NACC1: variants seen among roughly 807,000 people sequenced by gnomAD.
NACC1 encodes nucleus accumbens associated 1, also known as nucleus accumbens-associated protein 1.
NACC1 carries 6 observed loss-of-function variants against 41.7 expected under a neutral mutation model. That is an observed-to-expected ratio of 0.14 (90% CI 0.08 to 0.28). NACC1 has a LOEUF of 0.28. Ranked by LOEUF, NACC1 falls within the 10% of genes least tolerant of loss-of-function variation. The probability of loss-of-function intolerance (pLI) is 1.00; values close to 1 mark genes in which losing one functional copy is unlikely to be tolerated. For synonymous variants in NACC1, 338 were observed against 330.6 expected (o/e 1.02, Z -0.24); for missense variants, 434 against 763.7 (o/e 0.57, Z 5.09).
chr19:13,128,573 C>T (rs2145617373), intron 1 of NACC1, among the ~76,000 whole-genome samples: 1 of 152,346 alleles, frequency 6.6e-6, no homozygotes, highest in East Asian at 1.9e-4. Context: ...GGTGAAAACC[C>T]TTTCTGGAAG....
rs1269345126 is a variant in NACC1, at chr19:13,138,011, T to C, written c.1325-136T>C. ...CCGGTGTAGGGTTGGGTGCACGTAG[T>C]GTGGTGTCCTGGCCGCGTGGCCTCA... On this transcript the variant is annotated intron_variant, in intron 5 of 5. Transcript: ENST00000292431. This position sits in a 1 kb window ranked among gnomAD's most constrained non-coding sequence, Gnocchi z 5.7. 2.4e-6 allele frequency: 3 copies of C among 1,260,584 alleles called. No individual in the cohort carries two copies. Among genetic ancestry groups the C allele is most frequent in the Non-Finnish European group, 3.3e-6 (3 of 901,624 alleles). The allele number at this position is 1,260,584 out of a possible 1,614,324, so 78.1% of individuals were successfully genotyped here. A position where few individuals can be genotyped will look rare whatever the true frequency, so the allele number is the denominator to read the frequency against.
rs1208604957 is a variant in NACC1 at position 13,140,530 on chromosome 19, A to AGCCCCTGTGGC, written c.*2125_*2135dup. ...CCTTTTCCTCGGGTGTCCCTCCTCG[A>AGCCCCTGTGGC]GCCCCTGTGGCATTGGCTTGGGTGG... On this transcript the variant is annotated 3_prime_UTR_variant, in exon 6 of 6. Transcript: ENST00000292431. The surrounding 1 kb of genome is among the most constrained non-coding windows in gnomAD (Gnocchi z 4.0). 6.1e-5 allele frequency: 9 copies of AGCCCCTGTGGC among 147,968 alleles called. No individual in the cohort carries two copies. In the East Asian group the frequency reaches 1.8e-3, roughly 30 times the overall value. The allele number at this position is 147,968 out of a possible 1,614,324, so 9.2% of individuals were successfully genotyped here. A position where few individuals can be genotyped will look rare whatever the true frequency, so the allele number is the denominator to read the frequency against.
At chr19:13,122,528 G>GT (rs1419443791) in intron 1 of NACC1, among the ~76,000 whole-genome samples, 5 of 150,756 alleles carry the variant, frequency 3.3e-5, no homozygotes, top group South Asian at 2.1e-4. Flanking sequence ...CCTGCCGGGG[G>GT]GGGGGGGGTG....
chr19:13,122,535 G>GC (rs1491179929), intron 1 of NACC1, among the ~76,000 whole-genome samples: 4 of 145,210 alleles, frequency 2.8e-5, no homozygotes, highest in Non-Finnish European at 6.0e-5. Context: ...GGGGGGGGGG[G>GC]GTGTGCTGCT....
At chr19:13,118,087 G>C (rs1486256442), upstream of NACC1, 2 of 152,138 alleles carry the variant, frequency 1.3e-5, no homozygotes, top group Non-Finnish European at 2.9e-5. Flanking sequence ...CTGAGCCGAC[G>C]TACTGGCGAG....
At chr19:13,122,519 C>A (rs1365937194) in intron 1 of NACC1, among the ~76,000 whole-genome samples, 2 of 84,792 alleles carry the variant, frequency 2.4e-5, no homozygotes, top group African/African-American at 1.0e-4. Flanking sequence ...TTGGTTGCCC[C>A]TGCCGGGGGG....
intron 1 of NACC1, among the ~76,000 whole-genome samples, chr19:13,124,579 C>T (rs1375840057): frequency 6.6e-6 from 1 of 152,158 alleles, no homozygotes; most frequent in Non-Finnish European, 1.5e-5. Flanking sequence ...CCTGGACTGC[C>T]TTCACATTCA....
intron 1 of NACC1, among the ~76,000 whole-genome samples, chr19:13,120,993 A>G (rs1329984329): frequency 3.3e-5 from 5 of 152,246 alleles, no homozygotes; most frequent in Admixed American, 6.5e-5. Context: ...ATCCCGGAGT[A>G]ACAGATCCAG....
At position 13,138,503 on chromosome 19, in the gene NACC1, C is replaced by CCCA; in HGVS notation, c.*99_*100insACC. 6.6e-7 allele frequency: 1 copy of CCCA among 1,513,954 alleles called. No individual in the cohort carries two copies. Among genetic ancestry groups the CCCA allele is most frequent in the Non-Finnish European group, 8.9e-7 (1 of 1,128,006 alleles). The allele number at this position is 1,513,954 out of a possible 1,614,324, so 93.8% of individuals were successfully genotyped here. On this transcript the variant is annotated 3_prime_UTR_variant, in exon 6 of 6. Transcript: ENST00000292431. This position sits in a 1 kb window ranked among gnomAD's most constrained non-coding sequence, Gnocchi z 5.7. The stretch of plus-strand genomic sequence containing the variant: ...AGCTACTGTCTGTCCCTCCCCAGGA[C>CCCA]CCGCGGTGGGTGCTGCATGTTCCCG...
intron 1 of NACC1, among the ~76,000 whole-genome samples, chr19:13,129,875 G>C (rs988185534): frequency 5.3e-5 from 8 of 151,682 alleles, no homozygotes; most frequent in Admixed American, 2.6e-4. Context: ...CAAATGGGGG[G>C]GTTCAAGACC....
intron 1 of NACC1, among the ~76,000 whole-genome samples, chr19:13,125,692 T>G (rs2019553272): frequency 6.6e-6 from 1 of 152,136 alleles, no homozygotes; most frequent in Non-Finnish European, 1.5e-5. Context: ...AGTGCTGGGA[T>G]TACAGGCGTG....
rs370062189 is a variant in NACC1 at position 13,138,286 on chromosome 19, C to A, written c.1464C>A (p.Ala488=). Residue 488 remains alanine (A), a synonymous_variant, in exon 6 of 6, where the codon GCC becomes GCA. Coordinates refer to ENST00000292431, the MANE Select transcript of NACC1 (RefSeq NM_052876.4). This position sits in a 1 kb window ranked among gnomAD's most constrained non-coding sequence, Gnocchi z 5.7. ...KVKVLKAEDD[A]YTTFISETGK... ...AGGTGCTCAAGGCTGAGGATGACGC[C>A]TACACCACCTTCATCAGTGAAACGG... 8 of 1,614,126 alleles carry A rather than the reference C, an allele frequency of 5.0e-6. No individual in the cohort carries two copies. The highest frequency in any genetic ancestry group is 5.9e-6 in the Non-Finnish European group (7 of 1,180,052).
At position 13,140,450 on chromosome 19, in the gene NACC1, G is replaced by C. The variant is rs1160041307; in HGVS notation, c.*2044G>C. The C allele has an allele frequency of 1.3e-5, 2 of 152,384 alleles. No individual in the cohort carries two copies. Among genetic ancestry groups the C allele is most frequent in the Non-Finnish European group, 2.9e-5 (2 of 68,128 alleles). The allele number at this position is 152,384 out of a possible 1,614,324, so 9.4% of individuals were successfully genotyped here. ...TGGGGGGGCCAGCTCCTGGGCCTGG[G>C]GTCTTCTCACCCCCACCCCCTTGTC... On this transcript the variant is annotated 3_prime_UTR_variant, in exon 6 of 6. Transcript: ENST00000292431. This position sits in a 1 kb window ranked among gnomAD's most constrained non-coding sequence, Gnocchi z 4.0.
chr19:13,126,063 T>A (rs903028129), intron 1 of NACC1, among the ~76,000 whole-genome samples: 5 of 150,722 alleles, frequency 3.3e-5, no homozygotes, highest in African/African-American at 9.8e-5. Context: ...TTTTTTTTTT[T>A]AGACGGAGTC....
chr19:13,124,312 A>G (rs1376809705), intron 1 of NACC1, among the ~76,000 whole-genome samples: 1 of 152,070 alleles, frequency 6.6e-6, no homozygotes, highest in Non-Finnish European at 1.5e-5. Context: ...AGGCACGAGA[A>G]TTGCTTGAAC....
chr19:13,135,522 C>T lies in NACC1; in HGVS notation c.315C>T (p.Gly105=). The T allele has an allele frequency of 6.2e-7, 1 of 1,613,496 alleles. No homozygotes were observed. Among genetic ancestry groups the T allele is most frequent in the South Asian group, 1.1e-5 (1 of 91,008 alleles). Residue 105 remains glycine, a synonymous_variant, in exon 2 of 6, where the codon GGC becomes GGT. Transcript: ENST00000292431. ...AGTTCCTGCTCATGTACACGGCTGG[C>T]TTCCTGCAGATCCAGGAGATCATGG... is the stretch of plus-strand genomic sequence containing the variant. ...GDQFLLMYTA[G]FLQIQEIMEK...
At chr19:13,134,219 G>A (rs547153307) in intron 1 of NACC1, among the ~76,000 whole-genome samples, 9 of 151,624 alleles carry the variant, frequency 5.9e-5, no homozygotes, top group Admixed American at 3.3e-4. Context: ...CCACCATGCC[G>A]GGGTAATTTT....
At chr19:13,133,875 T>C (rs2019665652) in intron 1 of NACC1, among the ~76,000 whole-genome samples, 1 of 152,114 alleles carries the variant, frequency 6.6e-6, no homozygotes, top group African/African-American at 2.4e-5. Flanking sequence ...GGCTGTGCCA[T>C]TTGACATTCC....
In NACC1 at chr19:13,136,092, G is replaced by A. The variant is rs760455380; in HGVS notation, c.885G>A (p.Glu295=). ...EEDGGEEGMD[E]QYRQICNMYT... is the part of the protein sequence containing the mutation. ...ATGGTGGCGAGGAGGGCATGGATGA[G>A]CAGTACCGGCAGATCTGCAACATGT... is the stretch of plus-strand genomic sequence containing the variant. The change falls in exon 2 of 6, where the codon GAG becomes GAA. Residue 295 remains glutamate (E), a synonymous_variant. Transcript: ENST00000292431. The surrounding 1 kb of genome is among the most constrained non-coding windows in gnomAD (Gnocchi z 5.5). 4.2e-5 allele frequency: 68 copies of A among 1,613,954 alleles called. 2 individuals carry two copies. In the South Asian group the frequency reaches 7.0e-4, roughly 17 times the overall value.
Sources: gnomAD v4.1 joint callset for allele counts (sites outside exome capture counted in the v4.1 genomes callset) on GRCh38, gnomAD v4.1.1 for gene constraint, Gnocchi (gnomAD v3.1) non-coding constraint, MANE v1.5 for transcripts, NCBI Gene and HGNC (gene_info 2026-07-23, HGNC 2026-07-21) for gene names.